Variants in DYM observed in about 807,000 individuals in gnomAD.
The protein encoded by DYM is dymeclin.
A neutral mutation model predicts 93.1 loss-of-function variants in DYM; 78 were observed. The ratio of observed to expected loss-of-function variants is 0.84; its 90% CI spans 0.70 to 1.01. The LOEUF is 1.01. DYM is among the 50% of genes least tolerant of loss of function. DYM has a pLI of 0.00. For missense variants in DYM, 789 were observed against 845.0 expected, an observed-to-expected ratio of 0.93 and a Z score of 0.82; for synonymous variants, 321 against 319.7, an observed-to-expected ratio of 1.00 and a Z score of -0.04.
intron 17 of DYM, among the ~76,000 whole-genome samples, chr18:49,092,835 G>A (rs1447542062): frequency 1.3e-5 from 2 of 152,152 alleles, no homozygotes; most frequent in African/African-American, 2.4e-5. Flanking sequence ...AAAGCTTAGC[G>A]GTAAGAGACC....
At chr18:49,185,470 C>CATA (rs1175502800) in intron 14 of DYM, among the ~76,000 whole-genome samples, 2 of 152,132 alleles carry the variant, frequency 1.3e-5, no homozygotes, top group Non-Finnish European at 2.9e-5. Context: ...ATGTGAGCTT[C>CATA]ATAATATTAA....
chr18:49,320,824 G>GA (rs529940216), intron 8 of DYM, among the ~76,000 whole-genome samples: 206 of 151,858 alleles, frequency 1.4e-3, no homozygotes, highest in African/African-American at 4.7e-3. Context: ...GTTAGTCTTC[G>GA]AAAAAAATAT....
chr18:49,067,955 G>A (rs1401504357), intron 17 of DYM, among the ~76,000 whole-genome samples: 1 of 152,106 alleles, frequency 6.6e-6, no homozygotes, highest in Non-Finnish European at 1.5e-5. Context: ...CTTTTGCAAA[G>A]GCGTTTCATT....
chr18:49,449,771 G>A (rs2082371348), intron 1 of DYM, among the ~76,000 whole-genome samples: 1 of 152,196 alleles, frequency 6.6e-6, no homozygotes, highest in South Asian at 2.1e-4. Flanking sequence ...AATCTGGTGT[G>A]CTTTGTGTGT....
chr18:49,216,027 A>T (rs2093020022), intron 13 of DYM, among the ~76,000 whole-genome samples: 2 of 152,222 alleles, frequency 1.3e-5, no homozygotes, highest in Admixed American at 1.3e-4. Context: ...TGGCACCTGG[A>T]AAATCGGGTC....
At chr18:49,355,706 A>C (rs1226983891) in intron 6 of DYM, among the ~76,000 whole-genome samples, 3 of 152,096 alleles carry the variant, frequency 2.0e-5, no homozygotes, top group African/African-American at 7.2e-5. Context: ...TGCAAATTTT[A>C]ATTCTCCCAA....
chr18:49,183,044 TTAATG>T (rs1247844828), intron 14 of DYM, among the ~76,000 whole-genome samples: 1 of 152,224 alleles, frequency 6.6e-6, no homozygotes, highest in Admixed American at 6.5e-5. Flanking sequence ...CCAAAGATTT[TTAATG>T]TAATGTTTTT....
At chr18:49,217,225 A>C (rs932549535) in intron 13 of DYM, among the ~76,000 whole-genome samples, 1 of 152,158 alleles carries the variant, frequency 6.6e-6, no homozygotes, top group East Asian at 1.9e-4. Context: ...AAAGAAACGA[A>C]CAAAGCCTTC....
At chr18:49,272,071 T>G in intron 11 of DYM, 107 bp downstream of exon 11, 1 of 958,604 alleles carries the variant, frequency 1.0e-6, no homozygotes, top group Non-Finnish European at 1.6e-6. Flanking sequence ...CTAATACAGG[T>G]TCTCACAGGA....
chr18:49,078,472 A>T (rs72921672), intron 17 of DYM, among the ~76,000 whole-genome samples: 5,301 of 152,138 alleles, frequency 0.035, 115 homozygotes, highest in Middle Eastern at 0.061. Context: ...CTCCTCTCCT[A>T]TATACTATAG....
chr18:49,123,536 G>A (rs2146081614), intron 15 of DYM, among the ~76,000 whole-genome samples: 1 of 152,268 alleles, frequency 6.6e-6, no homozygotes, highest in Non-Finnish European at 1.5e-5. Flanking sequence ...CAGGGAATCT[G>A]GCACTAGTGT....
At chr18:49,365,847 A>G (rs2066472241) in intron 5 of DYM, among the ~76,000 whole-genome samples, 1 of 152,226 alleles carries the variant, frequency 6.6e-6, no homozygotes, top group African/African-American at 2.4e-5. Flanking sequence ...ACATCTTAAA[A>G]TGATGACAAG....
intron 14 of DYM, among the ~76,000 whole-genome samples, chr18:49,200,245 A>C (rs887442339): frequency 3.3e-5 from 5 of 152,030 alleles, no homozygotes; most frequent in African/African-American, 1.2e-4. Flanking sequence ...AATTTGCATA[A>C]TTTTTTTAAT....
intron 16 of DYM, among the ~76,000 whole-genome samples, chr18:49,106,631 T>C (rs1465648145): frequency 3.9e-5 from 6 of 152,190 alleles, no homozygotes; most frequent in Non-Finnish European, 8.8e-5. Flanking sequence ...CATTTGCTTG[T>C]CTGTAAAGGA....
chr18:49,309,870 T>C (rs1599317941), intron 8 of DYM, among the ~76,000 whole-genome samples: 1 of 152,256 alleles, frequency 6.6e-6, no homozygotes, highest in East Asian at 1.9e-4. Context: ...TAATGTAACT[T>C]GAACCCATGG....
chr18:49,177,033 G>C (rs1356686880), intron 14 of DYM, among the ~76,000 whole-genome samples: 2 of 152,108 alleles, frequency 1.3e-5, no homozygotes, highest in Non-Finnish European at 2.9e-5. Flanking sequence ...CCCTTTCTTA[G>C]TCTCTTGAGA....
intron 2 of DYM, among the ~76,000 whole-genome samples, chr18:49,400,469 G>A (rs914427135): frequency 1.3e-5 from 2 of 152,042 alleles, no homozygotes; most frequent in African/African-American, 4.8e-5. Flanking sequence ...AGCATCTTCA[G>A]AGCCCACATT....
rs1470605518 is a variant in DYM at position 49,441,354 on chromosome 18, AATTAT to A, written c.-53-10912_-53-10908del. 2.2e-4 allele frequency among the ~76,000 whole-genome samples: 19 copies of A among 87,454 alleles called. No homozygotes were observed. In the East Asian group the frequency reaches 7.0e-3, roughly 32 times the overall value. The allele number at this position is 87,454 out of a possible 152,430, so 57.4% of individuals were successfully genotyped here. On this transcript the variant is annotated intron_variant, in intron 1 of 17. Coordinates refer to ENST00000675505, the MANE Select transcript of DYM (RefSeq NM_001353214.3). ...ATATAATTATATATAATTAATATATAATTATATTATATATATGGATTGTGTGTACA... is the reference window on the plus strand; with the variant it reads ...ATATAATTATATATAATTAATATATAATTATATATATGGATTGTGTGTACA...
chr18:49,215,917 C>T lies in DYM; in HGVS notation c.1461-6202G>A, dbSNP rs541448638. Reference sequence around the variant, plus strand: ...AGTGGGTGCAGGACAGTGGGTGCAGCGCACCGTGCGGGAGCCGAAGCAGGG... The same window carrying T: ...AGTGGGTGCAGGACAGTGGGTGCAGTGCACCGTGCGGGAGCCGAAGCAGGG... On this transcript the variant is annotated intron_variant, in intron 13 of 17. Coordinates refer to ENST00000675505, the MANE Select transcript of DYM (RefSeq NM_001353214.3). Among the ~76,000 whole-genome samples the T allele has an allele frequency of 8.5e-4, 129 of 152,344 alleles. 1 individual carries two copies. Among genetic ancestry groups the T allele is most frequent in the African/African-American group, 2.7e-3 (112 of 41,580 alleles).
Sources: allele counts gnomAD v4.1 joint callset (sites outside exome capture counted in the v4.1 genomes callset), GRCh38; gene constraint gnomAD v4.1.1; transcripts MANE v1.5; gene names NCBI Gene and HGNC (gene_info 2026-07-23, HGNC 2026-07-21).